Variants in TNFSF4 observed in about 807,000 individuals in gnomAD.
TNFSF4 encodes tumor necrosis factor ligand superfamily member 4.
Under a neutral mutation model 7.3 loss-of-function variants are expected in TNFSF4, and 4 were observed. That is an observed-to-expected ratio of 0.55 (90% confidence interval 0.27 to 1.25). The LOEUF (loss-of-function observed/expected upper bound fraction) is 1.25. Ranked by LOEUF, TNFSF4 falls within the 50% of genes most tolerant of loss-of-function variation. The pLI is 0.12. For synonymous variants in TNFSF4, 76 were observed against 83.7 expected (o/e 0.91, Z 0.50); for missense variants, 181 against 208.8 (o/e 0.87, Z 0.82).
chr1:173,305,498 A>G, the TNFSF4 span, among the ~76,000 whole-genome samples: 3 of 151,918 alleles, frequency 2.0e-5, no homozygotes, highest in African/African-American at 7.2e-5. Context: ...TGTTAGCCTG[A>G]AATTAGACTG....
chr1:173,217,463 T>C, the TNFSF4 span, among the ~76,000 whole-genome samples: 2 of 152,208 alleles, frequency 1.3e-5, no homozygotes, highest in African/African-American at 4.8e-5. Flanking sequence ...CATCCACAAA[T>C]GATAGATAAA....
the TNFSF4 span, among the ~76,000 whole-genome samples, chr1:173,414,138 C>T: frequency 6.6e-6 from 1 of 152,184 alleles, no homozygotes; most frequent in Non-Finnish European, 1.5e-5. Flanking sequence ...CAAAGTACCA[C>T]AGACTGGAGG....
At chr1:173,421,077 A>ACCAT in the TNFSF4 span, among the ~76,000 whole-genome samples, 3 of 152,124 alleles carry the variant, frequency 2.0e-5, no homozygotes, top group Non-Finnish European at 2.9e-5. Context: ...TTATCCTCAC[A>ACCAT]CCATCCCTAC....
chr1:173,367,022 G>T, the TNFSF4 span, among the ~76,000 whole-genome samples: 1 of 152,174 alleles, frequency 6.6e-6, no homozygotes, highest in Non-Finnish European at 1.5e-5. Context: ...TTATCCATTT[G>T]TCCAGTTTGG....
the TNFSF4 span, among the ~76,000 whole-genome samples, chr1:173,325,592 A>G: frequency 5.3e-5 from 8 of 152,074 alleles, no homozygotes; most frequent in Non-Finnish European, 5.9e-5. Flanking sequence ...TTTTTTGAAA[A>G]GATCAACAAA....
chr1:173,364,386 TA>T, the TNFSF4 span, among the ~76,000 whole-genome samples: 3 of 148,450 alleles, frequency 2.0e-5, no homozygotes, highest in African/African-American at 7.4e-5. Flanking sequence ...TATGTGTATA[TA>T]TATATATATA....
At chr1:173,176,887 C>T in the TNFSF4 span, among the ~76,000 whole-genome samples, 1 of 152,084 alleles carries the variant, frequency 6.6e-6, no homozygotes, top group East Asian at 1.9e-4. Flanking sequence ...AGCCAAATAC[C>T]ACATGTTATC....
At chr1:173,365,172 TAACAAACAC>T in the TNFSF4 span, among the ~76,000 whole-genome samples, 2 of 151,866 alleles carry the variant, frequency 1.3e-5, no homozygotes, top group Non-Finnish European at 2.9e-5. Flanking sequence ...ACAAGAATGC[TAACAAACAC>T]AACAATGATA....
the TNFSF4 span, among the ~76,000 whole-genome samples, chr1:173,291,703 C>A: frequency 6.6e-6 from 1 of 151,690 alleles, no homozygotes; most frequent in South Asian, 2.1e-4. Context: ...GTCACTGAAA[C>A]CAAAAGTTAA....
At chr1:173,187,569 C>T (rs1231483742) in intron 2 of TNFSF4, among the ~76,000 whole-genome samples, 1 of 152,144 alleles carries the variant, frequency 6.6e-6, no homozygotes, top group Non-Finnish European at 1.5e-5. Context: ...TCAGGGTGGG[C>T]TCTCAAAGCT....
the TNFSF4 span, among the ~76,000 whole-genome samples, chr1:173,357,957 T>G: frequency 1.3e-5 from 2 of 152,222 alleles, no homozygotes; most frequent in South Asian, 2.1e-4. Flanking sequence ...CTCCAAAAGA[T>G]GTTCATGTCC....
the TNFSF4 span, among the ~76,000 whole-genome samples, chr1:173,291,899 GA>G: frequency 1.3e-5 from 2 of 151,646 alleles, no homozygotes; most frequent in African/African-American, 4.8e-5. Flanking sequence ...AGACAACCCA[GA>G]AGAAATAGAT....
the TNFSF4 span, among the ~76,000 whole-genome samples, chr1:173,448,338 AC>A: frequency 6.6e-6 from 1 of 152,352 alleles, no homozygotes; most frequent in African/African-American, 2.4e-5. Context: ...TGGAATATTC[AC>A]CATGCTAAAC....
the TNFSF4 span, among the ~76,000 whole-genome samples, chr1:173,173,392 T>C: frequency 6.6e-6 from 1 of 152,202 alleles, no homozygotes; most frequent in Non-Finnish European, 1.5e-5. Flanking sequence ...ACTTCCAAGA[T>C]ATAATGGGAG....
the TNFSF4 span, among the ~76,000 whole-genome samples, chr1:173,219,640 C>T: frequency 6.6e-6 from 1 of 151,102 alleles, no homozygotes; most frequent in Non-Finnish European, 1.5e-5. Flanking sequence ...AAATGCCCAT[C>T]AATCAACAAG....
At chr1:173,288,265 C>T in the TNFSF4 span, among the ~76,000 whole-genome samples, 1 of 152,032 alleles carries the variant, frequency 6.6e-6, no homozygotes, top group East Asian at 1.9e-4. Context: ...CCAGCCTAGG[C>T]AACATGGCAA....
At chr1:173,445,419 C>T in the TNFSF4 span, among the ~76,000 whole-genome samples, 1 of 152,186 alleles carries the variant, frequency 6.6e-6, no homozygotes, top group East Asian at 1.9e-4. Flanking sequence ...GGCTGGGATC[C>T]TTTAAGCTGA....
chr1:173,333,909 G>A, the TNFSF4 span, among the ~76,000 whole-genome samples: 1 of 152,002 alleles, frequency 6.6e-6, no homozygotes, highest in Non-Finnish European at 1.5e-5. Context: ...GACTCATATT[G>A]GAACTATATC....
chr1:173,293,171 A>G, the TNFSF4 span, among the ~76,000 whole-genome samples: 11 of 152,114 alleles, frequency 7.2e-5, no homozygotes, highest in Non-Finnish European at 1.5e-4. Flanking sequence ...ATCCTAAGCA[A>G]ATAGAACACA....
Sources: allele counts gnomAD v4.1 joint callset (sites outside exome capture counted in the v4.1 genomes callset), GRCh38; gene constraint gnomAD v4.1.1; transcripts MANE v1.5; gene names NCBI Gene and HGNC (gene_info 2026-07-23, HGNC 2026-07-21).